TRAPPC9: variants seen among roughly 807,000 people sequenced by gnomAD.
TRAPPC9 encodes the protein IKK2 binding protein.
Under a neutral mutation model 124.0 loss-of-function variants are expected in TRAPPC9, and 83 were observed. The ratio of observed to expected loss-of-function variants is 0.67; its 90% CI spans 0.56 to 0.80. TRAPPC9 has a LOEUF of 0.80. Among genes scored for constraint, TRAPPC9 ranks in the 30% least tolerant of loss-of-function variants. The pLI is 0.00. For synonymous variants in TRAPPC9, 638 were observed against 617.5 expected (o/e 1.03, Z -0.49); for missense variants, 1,302 against 1,508.3 (o/e 0.86, Z 2.27).
At chr8:139,911,389 C>T (rs551268691) in intron 19 of TRAPPC9, 6 of 152,246 alleles carry the variant, frequency 3.9e-5, no homozygotes, top group African/African-American at 1.4e-4. Context: ...AATACAACAA[C>T]AGAGGGTTTA....
intron 9 of TRAPPC9, among the ~76,000 whole-genome samples, chr8:140,333,150 A>G (rs1268276122): frequency 6.6e-6 from 1 of 151,992 alleles, no homozygotes; most frequent in Non-Finnish European, 1.5e-5. Context: ...GAAAAAGAAA[A>G]GAATGAAAAG....
chr8:140,400,754 C>G lies in TRAPPC9; in HGVS notation c.1009-3009G>C, dbSNP rs140399013. Among the ~76,000 whole-genome samples the G allele has an allele frequency of 5.6e-3, 854 of 152,194 alleles. 2 individuals are homozygous for G. The highest frequency in any genetic ancestry group is 8.5e-3 in the Non-Finnish European group (579 of 68,014). On this transcript the variant is annotated intron_variant, in intron 6 of 22. Coordinates refer to ENST00000438773, the MANE Select transcript of TRAPPC9 (RefSeq NM_001160372.4). ...TCTTACACACCATGTGGCTCCAGAC[C>G]CGGGAGCAGGGAAAGGAGGAAGGAT...
At chr8:140,419,786 T>G (rs1420545464) in intron 5 of TRAPPC9, among the ~76,000 whole-genome samples, 1 of 151,774 alleles carries the variant, frequency 6.6e-6, no homozygotes, top group Non-Finnish European at 1.5e-5. Flanking sequence ...CTCGGGAGGC[T>G]GAGGCAAGAG....
At chr8:140,436,370 A>G (rs2070813905) in intron 3 of TRAPPC9, among the ~76,000 whole-genome samples, 1 of 152,198 alleles carries the variant, frequency 6.6e-6, no homozygotes, top group African/African-American at 2.4e-5. Flanking sequence ...AAAATAAAAT[A>G]ATAAGCTTGT....
At chr8:139,801,704 C>T (rs774653015) in intron 21 of TRAPPC9, among the ~76,000 whole-genome samples, 49 of 152,212 alleles carry the variant, frequency 3.2e-4, no homozygotes, top group African/African-American at 8.4e-4. Flanking sequence ...CAGTCGCAGA[C>T]GGGACCTGCC....
chr8:140,319,997 T>C (rs191695596), intron 9 of TRAPPC9, among the ~76,000 whole-genome samples: 2 of 152,174 alleles, frequency 1.3e-5, no homozygotes, highest in African/African-American at 2.4e-5. Flanking sequence ...TCTGAACAGG[T>C]AGAGAATAGA....
intron 21 of TRAPPC9, among the ~76,000 whole-genome samples, chr8:139,738,460 C>T (rs1297032436): frequency 6.6e-6 from 1 of 152,178 alleles, no homozygotes; most frequent in African/African-American, 2.4e-5. Context: ...CCTGGGCCAT[C>T]GGAGTAGGCC....
intron 17 of TRAPPC9, among the ~76,000 whole-genome samples, chr8:140,198,812 C>T (rs1397257259): frequency 6.6e-6 from 1 of 152,168 alleles, no homozygotes. Flanking sequence ...TCCTGAATGG[C>T]AGGAACCATG....
intron 21 of TRAPPC9, among the ~76,000 whole-genome samples, chr8:139,752,953 C>T (rs1232230969): frequency 6.6e-6 from 1 of 151,144 alleles, no homozygotes; most frequent in African/African-American, 2.4e-5. Context: ...ATCTACCATC[C>T]ATCCATCAAT....
chr8:140,020,708 T>A (rs1165949168), intron 18 of TRAPPC9, among the ~76,000 whole-genome samples: 2 of 152,214 alleles, frequency 1.3e-5, no homozygotes, highest in Admixed American at 1.3e-4. Flanking sequence ...TTGTTACTAA[T>A]TTTTTTGTCT....
chr8:140,027,734 C>T (rs1231386042), intron 17 of TRAPPC9, among the ~76,000 whole-genome samples: 1 of 152,114 alleles, frequency 6.6e-6, no homozygotes, highest in Non-Finnish European at 1.5e-5. Flanking sequence ...ACTCACAGTT[C>T]CACACAGCTG....
intron 9 of TRAPPC9, among the ~76,000 whole-genome samples, chr8:140,338,305 G>C (rs2067097911): frequency 6.6e-6 from 1 of 152,150 alleles, no homozygotes; most frequent in Non-Finnish European, 1.5e-5. Context: ...GTCTTCAGCT[G>C]ACATTTCATA....
chr8:140,174,466 AGT>A (rs2062023568), intron 17 of TRAPPC9, among the ~76,000 whole-genome samples: 1 of 152,236 alleles, frequency 6.6e-6, no homozygotes, highest in African/African-American at 2.4e-5. Flanking sequence ...AGTGACTTTT[AGT>A]ATATTCACAG....
At chr8:139,760,000 C>T (rs1349978398) in intron 21 of TRAPPC9, among the ~76,000 whole-genome samples, 2 of 152,254 alleles carry the variant, frequency 1.3e-5, no homozygotes, top group African/African-American at 4.8e-5. Flanking sequence ...GCCCCTGCAC[C>T]AGCACACGCC....
intron 21 of TRAPPC9, among the ~76,000 whole-genome samples, chr8:139,855,224 G>T (rs1026062563): frequency 1.3e-5 from 2 of 152,166 alleles, no homozygotes; most frequent in Non-Finnish European, 2.9e-5. Flanking sequence ...ACCAAAATAG[G>T]TATGGGAAGT....
At chr8:140,080,313 C>T (rs1261983861) in intron 17 of TRAPPC9, among the ~76,000 whole-genome samples, 10 of 152,192 alleles carry the variant, frequency 6.6e-5, no homozygotes, top group Admixed American at 2.0e-4. Context: ...CAAAACACCA[C>T]GCCACACTCA....
At chr8:140,376,325 G>A (rs2068436212) in intron 7 of TRAPPC9, among the ~76,000 whole-genome samples, 1 of 152,078 alleles carries the variant, frequency 6.6e-6, no homozygotes, top group South Asian at 2.1e-4. Context: ...GGGAGGATGA[G>A]GTGGGCAGAT....
At chr8:140,138,197 G>A (rs1382295995) in intron 17 of TRAPPC9, among the ~76,000 whole-genome samples, 1 of 152,180 alleles carries the variant, frequency 6.6e-6, no homozygotes. Flanking sequence ...AGCTACTCAG[G>A]AGGCTAAAGC....
rs112313148 is a variant in TRAPPC9 at position 139,791,311 on chromosome 8, C to G, written c.3056-59109G>C. Among the ~76,000 whole-genome samples the G allele has an allele frequency of 5.1e-3, 748 of 147,998 alleles. 6 individuals carry two copies. The highest frequency in any genetic ancestry group is 0.017 in the African/African-American group (699 of 40,922). ...CTGCACAGACTCTCACACAGGCGCC[C>G]GTCTCCCCTGCACAGACACACACAC... On this transcript the variant is annotated intron_variant, in intron 21 of 22. Transcript: ENST00000438773.
Sources: allele counts gnomAD v4.1 joint callset (sites outside exome capture counted in the v4.1 genomes callset), GRCh38; gene constraint gnomAD v4.1.1; transcripts MANE v1.5; gene names NCBI Gene and HGNC (gene_info 2026-07-23, HGNC 2026-07-21).